MED13L: variants seen among roughly 807,000 people sequenced by gnomAD.
The protein encoded by MED13L is mediator of RNA polymerase II transcription subunit 13-like.
Under a neutral mutation model 220.9 loss-of-function variants are expected in MED13L, and 7 were observed. That is an observed-to-expected ratio of 0.03 (90% CI 0.02 to 0.06). The LOEUF (loss-of-function observed/expected upper bound fraction) is 0.06. Ranked by LOEUF, MED13L falls within the 10% of genes least tolerant of loss-of-function variation. The pLI is 1.00. For missense variants in MED13L, 1,965 were observed against 2,760.5 expected (o/e 0.71, Z 6.46); for synonymous variants, 1,011 against 1,015.2 (o/e 1.00, Z 0.08).
chr12:116,259,933 TAGTG>T (rs80103723), intron 1 of MED13L, among the ~76,000 whole-genome samples: 7,489 of 152,268 alleles, frequency 0.049, 214 homozygotes, highest in East Asian at 0.084. Flanking sequence ...TGGGAAATGT[TAGTG>T]AGTACAGCTG....
At chr12:116,254,189 G>A (rs1210096686) in intron 1 of MED13L, among the ~76,000 whole-genome samples, 1 of 152,078 alleles carries the variant, frequency 6.6e-6, no homozygotes, top group Admixed American at 6.5e-5. Flanking sequence ...AGGTAAGGAT[G>A]TACACTCTTA....
intron 1 of MED13L, among the ~76,000 whole-genome samples, chr12:116,239,228 C>G (rs17427025): frequency 0.15 from 22,679 of 152,106 alleles, 1,928 homozygotes; most frequent in Middle Eastern, 0.22. Flanking sequence ...TTATATTTTA[C>G]GCTGAGATAC....
At chr12:116,200,441 T>G (rs967950923) in intron 2 of MED13L, among the ~76,000 whole-genome samples, 5 of 152,220 alleles carry the variant, frequency 3.3e-5, no homozygotes, top group Non-Finnish European at 7.3e-5. Flanking sequence ...AATTTGAAAC[T>G]TCAAGAAAAA....
chr12:116,208,741 A>G (rs1882511037), intron 2 of MED13L, among the ~76,000 whole-genome samples: 1 of 152,224 alleles, frequency 6.6e-6, no homozygotes, highest in Non-Finnish European at 1.5e-5. Flanking sequence ...TGAGGCAGGA[A>G]CACTGCTTGA....
intron 2 of MED13L, among the ~76,000 whole-genome samples, chr12:116,218,408 A>C (rs17614677): frequency 0.062 from 9,419 of 152,180 alleles, 366 homozygotes; most frequent in African/African-American, 0.1. Context: ...CAATGCCAAC[A>C]ATTATAATTA....
chr12:116,066,525 G>A (rs950631140), intron 4 of MED13L, among the ~76,000 whole-genome samples: 1 of 152,092 alleles, frequency 6.6e-6, no homozygotes, highest in Non-Finnish European at 1.5e-5. Flanking sequence ...CTACTTTAAG[G>A]TATTGTGTGA....
chr12:116,252,268 C>T (rs922407290), intron 1 of MED13L, among the ~76,000 whole-genome samples: 4 of 152,036 alleles, frequency 2.6e-5, no homozygotes, highest in African/African-American at 9.7e-5. Flanking sequence ...TGAGAAAAAC[C>T]ATATGCTAGT....
chr12:116,057,336 C>A (rs1317201663), intron 4 of MED13L, among the ~76,000 whole-genome samples: 1 of 152,024 alleles, frequency 6.6e-6, no homozygotes, highest in Admixed American at 6.6e-5. Flanking sequence ...CAGCAGTAAG[C>A]CAGAGCGAAA....
chr12:115,966,286 A>G, intron 28 of MED13L, 43 bp from the exon 29 acceptor site: 2 of 1,610,626 alleles, frequency 1.2e-6, no homozygotes, highest in South Asian at 1.1e-5. Flanking sequence ...CATTTATCTT[A>G]AAGCTTGAAA....
chr12:116,127,404 T>C (rs947227134), intron 2 of MED13L, among the ~76,000 whole-genome samples: 1 of 152,210 alleles, frequency 6.6e-6, no homozygotes, highest in African/African-American at 2.4e-5. Context: ...TGTGCTTAAA[T>C]ATCTGTAATG....
intron 2 of MED13L, among the ~76,000 whole-genome samples, chr12:116,229,470 T>C (rs893564633): frequency 3.9e-5 from 6 of 152,212 alleles, no homozygotes; most frequent in African/African-American, 1.2e-4. Context: ...TTTCATATCA[T>C]TAGAACATAA....
chr12:116,118,313 C>T (rs1874708749), intron 2 of MED13L, among the ~76,000 whole-genome samples: 1 of 151,546 alleles, frequency 6.6e-6, no homozygotes, highest in Non-Finnish European at 1.5e-5. Context: ...TGTACTAAAG[C>T]TTAGAAAACA....
chr12:115,983,529 C>T lies in MED13L; in HGVS notation c.4543G>A (p.Ala1515Thr). 2 of 1,613,960 alleles carry T rather than the reference C, an allele frequency of 1.2e-6. No homozygotes were observed. Among genetic ancestry groups the T allele is most frequent in the East Asian group, 2.2e-5 (1 of 44,870 alleles). ...AGGCTGCTATCAAGCTGCAGAGTGG[C>T]TAAATAAGGTGCTGAAAGAATACAT... is the stretch of plus-strand genomic sequence containing the variant. ...VCRHHLAPYL[A>T]TLQLDSSLLI... Residue 1515 changes from alanine to threonine, a missense_variant, in exon 21 of 31, where the codon GCC becomes ACC. Transcript: ENST00000281928.
intron 4 of MED13L, among the ~76,000 whole-genome samples, chr12:116,077,837 G>T (rs1565865687): frequency 6.6e-6 from 1 of 152,148 alleles, no homozygotes; most frequent in East Asian, 1.9e-4. Context: ...ACATTTTTTA[G>T]GTATACATAC....
At chr12:116,148,596 T>A (rs780481733) in intron 2 of MED13L, 2 of 213,400 alleles carry the variant, frequency 9.4e-6, no homozygotes, top group Admixed American at 5.4e-5. Context: ...TATCTCCATA[T>A]ATATGGAGAT....
At chr12:116,122,251 A>C (rs1202118262) in intron 2 of MED13L, among the ~76,000 whole-genome samples, 1 of 152,218 alleles carries the variant, frequency 6.6e-6, no homozygotes, top group African/African-American at 2.4e-5. Flanking sequence ...TGCTTTCTTA[A>C]AAACTGACTT....
At chr12:116,135,531 T>G (rs1458090880) in intron 2 of MED13L, among the ~76,000 whole-genome samples, 1 of 152,206 alleles carries the variant, frequency 6.6e-6, no homozygotes, top group African/African-American at 2.4e-5. Context: ...TTCCAAATTC[T>G]TGACCTAAAG....
intron 2 of MED13L, among the ~76,000 whole-genome samples, chr12:116,135,485 T>C (rs1593085009): frequency 6.6e-6 from 1 of 152,156 alleles, no homozygotes; most frequent in East Asian, 1.9e-4. Context: ...GGTCGAGACA[T>C]CACAGTGCTG....
At chr12:116,008,118 A>C in intron 10 of MED13L, 1 of 446,608 alleles carries the variant, frequency 2.2e-6, no homozygotes, top group Non-Finnish European at 3.9e-6. Context: ...TTATAAAGCT[A>C]TATTCTTTAA....
Sources: gnomAD v4.1 joint callset for allele counts (sites outside exome capture counted in the v4.1 genomes callset) on GRCh38, gnomAD v4.1.1 for gene constraint, MANE v1.5 for transcripts, NCBI Gene and HGNC (gene_info 2026-07-23, HGNC 2026-07-21) for gene names.